The following NDUFA10 variants were observed in gnomAD, a reference collection of about 807,000 sequenced individuals.
The protein encoded by NDUFA10 is NADH dehydrogenase [ubiquinone] 1 alpha subcomplex subunit 10, mitochondrial.
In NDUFA10, 40 loss-of-function variants were observed where a neutral mutation model predicts 47.8. That is an observed-to-expected ratio of 0.84 (90% CI 0.65 to 1.09). The LOEUF (loss-of-function observed/expected upper bound fraction) is 1.09. Among genes scored for constraint, NDUFA10 ranks in the 50% least tolerant of loss-of-function variants. The pLI is 0.00. For missense variants in NDUFA10, 413 were observed against 451.1 expected (o/e 0.92, Z 0.76); for synonymous variants, 183 against 172.2 (o/e 1.06, Z -0.49).
In NDUFA10 at chr2:240,022,366, G is replaced by A. The variant is rs199930320; in HGVS notation, c.76-26C>T. On this transcript the variant is annotated intron_variant, in intron 1 of 9. Transcript: ENST00000252711. ...CTGAAAAACACAAAATCACACAGCA[G>A]CACATTGTGACCACTCTGGTTCCTG... The A allele has an allele frequency of 1.4e-5, 23 of 1,613,760 alleles. No individual in the cohort carries two copies. The East Asian group carries it at 4.9e-4, about 34-fold the overall frequency.
downstream of NDUFA10, among the ~76,000 whole-genome samples, chr2:239,954,317 C>G (rs557129855): frequency 3.0e-4 from 45 of 152,254 alleles, no homozygotes; most frequent in South Asian, 9.3e-3. Context: ...AGTGACCACC[C>G]CAGGACCGTG....
At position 239,900,315 on chromosome 2, in the gene NDUFA10, CATATATATATATATATATATAT is replaced by C. The variant is rs142452963; in HGVS notation, c.295-5023_295-5002del. ...CAATACTCCTTAATGAACTCCCCTT[CATATATATATATATATATATAT>C]ATATATATATATATATATATATTTA... On this transcript the variant is annotated intron_variant, in intron 4 of 5. Coordinates refer to the NDUFA10 transcript ENST00000419408. Among the ~76,000 whole-genome samples the C allele has an allele frequency of 4.9e-5, 7 of 142,640 alleles. 1 individual carries two copies. The highest frequency in any genetic ancestry group is 7.9e-5 in the African/African-American group (3 of 37,860). The allele number at this position is 142,640 out of a possible 152,430, so 93.6% of individuals were successfully genotyped here. A position where few individuals can be genotyped will look rare whatever the true frequency, so the allele number is the denominator to read the frequency against.
chr2:239,992,761 A>C (rs541871144), intron 8 of NDUFA10, among the ~76,000 whole-genome samples: 1 of 152,334 alleles, frequency 6.6e-6, no homozygotes, highest in East Asian at 1.9e-4. Context: ...AACAAGACTG[A>C]AAAATACAAT....
chr2:239,903,572 C>G (rs367743927), intron 4 of NDUFA10, among the ~76,000 whole-genome samples: 2 of 152,172 alleles, frequency 1.3e-5, no homozygotes, highest in Admixed American at 1.3e-4. Flanking sequence ...TAAGGCTGGA[C>G]GCTGCCCTGT....
In NDUFA10 at chr2:239,959,684, G is replaced by A. The variant is rs1694769215; in HGVS notation, c.*1434C>T. 1 of 897,178 alleles carries A rather than the reference G, an allele frequency of 1.1e-6. No homozygotes were observed. Among genetic ancestry groups the A allele is most frequent in the Non-Finnish European group, 1.3e-6 (1 of 752,660 alleles). The allele number at this position is 897,178 out of a possible 1,614,324, so 55.6% of individuals were successfully genotyped here. A position where few individuals can be genotyped will look rare whatever the true frequency, so the allele number is the denominator to read the frequency against. On this transcript the variant is annotated 3_prime_UTR_variant, in exon 10 of 10. Coordinates refer to ENST00000252711, the MANE Select transcript of NDUFA10 (RefSeq NM_004544.4). ...GACAGACGGAAGGAAGGAAGGAAGA[G>A]AAGGAGGGAAGGAAAGAGGCAGGGA...
In NDUFA10 at chr2:239,921,894, C is replaced by G. The variant is rs1391832410; in HGVS notation, c.295-26580G>C. The stretch of plus-strand genomic sequence containing the variant: ...CCCTCTTCCCTCCCTCCTTCCCTCT[C>G]TCCTTCCTTTTCTCCTTTCCTCCAT... On this transcript the variant is annotated intron_variant, in intron 4 of 5. Transcript: ENST00000419408. 2.0e-5 allele frequency among the ~76,000 whole-genome samples: 3 copies of G among 150,954 alleles called. No homozygotes were observed. In the East Asian group the frequency reaches 5.9e-4, roughly 29 times the overall value.
At chr2:239,974,580 C>T (rs959840112) in intron 9 of NDUFA10, among the ~76,000 whole-genome samples, 2 of 152,228 alleles carry the variant, frequency 1.3e-5, no homozygotes, top group Middle Eastern at 3.2e-3. Context: ...TTGGATCATG[C>T]GGGCTGATCC....
At chr2:239,917,360 C>T (rs139871368) in intron 4 of NDUFA10, among the ~76,000 whole-genome samples, 6,937 of 152,196 alleles carry the variant, frequency 0.046, 438 homozygotes, top group African/African-American at 0.15. Flanking sequence ...AGCACTCCCT[C>T]AACATAGGGA....
At chr2:240,015,420 T>A (rs928848695) in intron 4 of NDUFA10, among the ~76,000 whole-genome samples, 2 of 152,252 alleles carry the variant, frequency 1.3e-5, no homozygotes, top group African/African-American at 4.8e-5. Flanking sequence ...TCTGGTCTTC[T>A]CTGAAGAATA....
rs1302100828 is a variant in NDUFA10, at chr2:239,960,950, A to G, written c.*168T>C. Reference sequence around the variant, plus strand: ...AATGGAAGCTGCTTCCCCCAACTCCATTACCTATACTACAGGATGGATTGC... The same window carrying G: ...AATGGAAGCTGCTTCCCCCAACTCCGTTACCTATACTACAGGATGGATTGC... On this transcript the variant is annotated 3_prime_UTR_variant, in exon 10 of 10. Transcript: ENST00000252711. 1.3e-6 allele frequency: 2 copies of G among 1,517,656 alleles called. No individual in the cohort carries two copies. The highest frequency in any genetic ancestry group is 2.5e-5 in the East Asian group (1 of 40,168). 94.0% of individuals were successfully genotyped at this position (1,517,656 alleles called of 1,614,324 possible).
At position 239,957,856 on chromosome 2, in the gene NDUFA10, C is replaced by A. The variant is rs1333542767; in HGVS notation, c.*3262G>T. ...TGGGGAAGGACAGAAAGGCTGGGAC[C>A]CTCTGCTGAGAAGAGGCTCCTTTTC... On this transcript the variant is annotated 3_prime_UTR_variant, in exon 10 of 10. Coordinates refer to ENST00000252711, the MANE Select transcript of NDUFA10 (RefSeq NM_004544.4). 1 of 152,244 alleles carries A rather than the reference C, an allele frequency of 6.6e-6. No homozygotes were observed. Among genetic ancestry groups the A allele is most frequent in the East Asian group, 1.9e-4 (1 of 5,204 alleles). 9.4% of individuals were successfully genotyped at this position (152,244 alleles called of 1,614,324 possible). A position where few individuals can be genotyped will look rare whatever the true frequency, so the allele number is the denominator to read the frequency against.
intron 4 of NDUFA10, among the ~76,000 whole-genome samples, chr2:239,926,867 G>C (rs891842869): frequency 2.0e-5 from 3 of 152,188 alleles, no homozygotes; most frequent in Admixed American, 2.0e-4. Flanking sequence ...GTTCCACATG[G>C]CTGGGGAGGC....
At position 240,021,415 on chromosome 2, in the gene NDUFA10, G is replaced by A; in HGVS notation, c.245-3C>T. 6.2e-7 allele frequency: 1 copy of A among 1,613,506 alleles called. No homozygotes were observed. Among genetic ancestry groups the A allele is most frequent in the Non-Finnish European group, 8.5e-7 (1 of 1,179,590 alleles). The stretch of plus-strand genomic sequence containing the variant: ...CGCTTCAGGAAAGTGCTTGAAGCCT[G>A]AAAAGAGAAACAGTCGGATGCAGTC... On this transcript the variant is annotated splice_region_variant and splice_polypyrimidine_tract_variant and intron_variant, in intron 2 of 9. Transcript: ENST00000252711.
intron 5 of NDUFA10, chr2:240,013,556 G>A (rs1450537790): frequency 6.6e-6 from 1 of 152,192 alleles, no homozygotes; most frequent in Non-Finnish European, 1.5e-5. Context: ...GTTCTTAGAA[G>A]TCTAGCTATA....
At chr2:239,944,887 T>C (rs1345581971) in intron 4 of NDUFA10, among the ~76,000 whole-genome samples, 1 of 152,074 alleles carries the variant, frequency 6.6e-6, no homozygotes, top group Non-Finnish European at 1.5e-5. Context: ...CCATCCGCAA[T>C]AGAAGGCAAA....
At chr2:240,006,064 G>C (rs1696937055) in intron 7 of NDUFA10, among the ~76,000 whole-genome samples, 1 of 152,208 alleles carries the variant, frequency 6.6e-6, no homozygotes, top group Non-Finnish European at 1.5e-5. Context: ...TTCCAGAGGA[G>C]TAATCTTTCC....
At chr2:239,896,385 G>A (rs1353578006) in intron 4 of NDUFA10, among the ~76,000 whole-genome samples, 4 of 152,186 alleles carry the variant, frequency 2.6e-5, no homozygotes, top group South Asian at 2.1e-4. Context: ...GAGATTGCAC[G>A]CCTGTGAAGC....
intron 4 of NDUFA10, among the ~76,000 whole-genome samples, chr2:239,927,999 C>T (rs1163025033): frequency 6.6e-6 from 1 of 152,026 alleles, no homozygotes; most frequent in Non-Finnish European, 1.5e-5. Context: ...CATGTGTAGT[C>T]ATCAAATTAA....
chr2:239,929,298 C>A (rs1172450979), intron 4 of NDUFA10, among the ~76,000 whole-genome samples: 1 of 152,226 alleles, frequency 6.6e-6, no homozygotes, highest in East Asian at 1.9e-4. Flanking sequence ...CGGGCAGAGA[C>A]GCAGACACCG....
Sources: allele counts gnomAD v4.1 joint callset (sites outside exome capture counted in the v4.1 genomes callset), GRCh38; gene constraint gnomAD v4.1.1; transcripts MANE v1.5; gene names NCBI Gene and HGNC (gene_info 2026-07-23, HGNC 2026-07-21).